The following PTPRM variants were observed in gnomAD, a reference collection of about 807,000 sequenced individuals.
PTPRM encodes receptor-type tyrosine-protein phosphatase mu.
PTPRM carries 47 observed loss-of-function variants against 186.7 expected under a neutral mutation model. The ratio of observed to expected loss-of-function variants is 0.25; its 90% CI spans 0.20 to 0.32. The LOEUF (loss-of-function observed/expected upper bound fraction) is 0.32, where lower values mean the gene tolerates loss of function less well. PTPRM is among the 10% of genes least tolerant of loss of function. PTPRM has a pLI of 1.00. For synonymous variants in PTPRM, 668 were observed against 674.9 expected (o/e 0.99, Z 0.16); for missense variants, 1,494 against 1,865.0 (o/e 0.80, Z 3.66).
At chr18:8,347,018 C>G (rs185406182) in intron 23 of PTPRM, among the ~76,000 whole-genome samples, 3 of 152,174 alleles carry the variant, frequency 2.0e-5, no homozygotes, top group Non-Finnish European at 4.4e-5. Flanking sequence ...TGTGTTTCTT[C>G]CCCTGAGAGG....
intron 14 of PTPRM, among the ~76,000 whole-genome samples, chr18:8,192,998 G>A (rs2093728923): frequency 6.6e-6 from 1 of 152,068 alleles, no homozygotes; most frequent in South Asian, 2.1e-4. Flanking sequence ...GAAAGCATGT[G>A]GGGGACAGTT....
At chr18:8,041,359 T>C (rs960779876) in intron 7 of PTPRM, among the ~76,000 whole-genome samples, 1 of 152,102 alleles carries the variant, frequency 6.6e-6, no homozygotes. Flanking sequence ...TCCTTGGTGG[T>C]ATATAGACAC....
chr18:7,619,718 G>T (rs1021354169), intron 1 of PTPRM, among the ~76,000 whole-genome samples: 11 of 152,204 alleles, frequency 7.2e-5, no homozygotes, highest in Admixed American at 3.3e-4. Flanking sequence ...GGCAGCAGGT[G>T]TTGGGGACCC....
intron 8 of PTPRM, among the ~76,000 whole-genome samples, chr18:8,074,389 A>AT (rs1268079426): frequency 6.6e-6 from 1 of 152,110 alleles, no homozygotes; most frequent in Non-Finnish European, 1.5e-5. Context: ...TTGAATTAAC[A>AT]TTTTTTTCAC....
intron 1 of PTPRM, among the ~76,000 whole-genome samples, chr18:7,662,104 T>G (rs1132083): frequency 1.4e-5 from 2 of 143,580 alleles, no homozygotes; most frequent in Admixed American, 6.7e-5. Context: ...CTAAATTTTT[T>G]TTTGTATTTT....
chr18:8,173,800 G>A (rs968449574), intron 14 of PTPRM, among the ~76,000 whole-genome samples: 1 of 152,142 alleles, frequency 6.6e-6, no homozygotes, highest in Non-Finnish European at 1.5e-5. Context: ...TGGATGTGGT[G>A]GCTCACCCCT....
chr18:7,687,401 G>A (rs2039627477), intron 1 of PTPRM, among the ~76,000 whole-genome samples: 3 of 152,056 alleles, frequency 2.0e-5, no homozygotes, highest in Admixed American at 2.0e-4. Context: ...ATTTTTTAAT[G>A]TAATGACTTT....
intron 9 of PTPRM, among the ~76,000 whole-genome samples, chr18:8,084,581 T>C (rs1047228522): frequency 2.6e-5 from 4 of 152,164 alleles, no homozygotes; most frequent in African/African-American, 9.6e-5. Context: ...TGTAATGACA[T>C]GGTATAAATA....
chr18:7,708,892 T>C (rs577979078), intron 1 of PTPRM, among the ~76,000 whole-genome samples: 173 of 152,270 alleles, frequency 1.1e-3, no homozygotes, highest in Non-Finnish European at 2.1e-3. Context: ...TTATCAAAAA[T>C]AGTACTAAAC....
chr18:8,002,330 A>G (rs1165235418), intron 7 of PTPRM, among the ~76,000 whole-genome samples: 2 of 152,236 alleles, frequency 1.3e-5, no homozygotes, highest in Non-Finnish European at 2.9e-5. Context: ...ACATTTGGGT[A>G]GTAGAGCACA....
chr18:7,934,735 G>T (rs554639160), intron 5 of PTPRM, among the ~76,000 whole-genome samples: 68 of 152,098 alleles, frequency 4.5e-4, no homozygotes, highest in Non-Finnish European at 7.5e-4. Flanking sequence ...TATAGAAGAA[G>T]CGGCTGAGGC....
At chr18:8,380,269 T>G in intron 28 of PTPRM, 27 bp from the exon 29 acceptor site, 1 of 1,608,572 alleles carries the variant, frequency 6.2e-7, no homozygotes, top group African/African-American at 1.3e-5. Context: ...CTGAGTATAT[T>G]TGGAGCATTC....
chr18:7,985,082 AATATATACATATAATT>A (rs1599870361), intron 7 of PTPRM, among the ~76,000 whole-genome samples: 2 of 129,028 alleles, frequency 1.6e-5, no homozygotes, highest in East Asian at 4.5e-4. Flanking sequence ...TACATATATA[AATATATACATATAATT>A]ATATATACAT....
Position 7,712,024 on chromosome 18 carries a change from T to C in PTPRM, c.74-62125T>C, listed in dbSNP as rs367699050. Among the ~76,000 whole-genome samples, 23 of 152,234 alleles carry C rather than the reference T, an allele frequency of 1.5e-4. No homozygotes were observed. In the East Asian group the frequency reaches 4.1e-3, roughly 27 times the overall value. ...CTCCATAAGTGTAAGGGAGCTCCGCTAAGGGTCAGACTGCCTCCTGACCCC... is the reference window on the plus strand; with the variant it reads ...CTCCATAAGTGTAAGGGAGCTCCGCCAAGGGTCAGACTGCCTCCTGACCCC... On this transcript the variant is annotated intron_variant, in intron 1 of 32. Transcript: ENST00000580170.
chr18:7,878,229 T>C (rs2146255985), intron 2 of PTPRM, among the ~76,000 whole-genome samples: 1 of 152,372 alleles, frequency 6.6e-6, no homozygotes, highest in African/African-American at 2.4e-5. Flanking sequence ...ATTTTGATGC[T>C]TTTTCTGGTT....
chr18:7,903,033 A>G (rs924610432), intron 3 of PTPRM, among the ~76,000 whole-genome samples: 3 of 152,230 alleles, frequency 2.0e-5, no homozygotes, highest in African/African-American at 7.2e-5. Flanking sequence ...CATTTTTAGT[A>G]GAAGCTTCAG....
In PTPRM at chr18:7,964,977, T is replaced by C. The variant is rs538621104; in HGVS notation, c.1132+9563T>C. Among the ~76,000 whole-genome samples the C allele has an allele frequency of 5.3e-5, 8 of 151,908 alleles. No individual in the cohort carries two copies. The South Asian group carries it at 1.7e-3, about 32-fold the overall frequency. Reference sequence around the variant, plus strand: ...GGATGTGTTGCAATTATTAGTGACATGATAAGTGTTTTTGACACTTTTAAC... The same window carrying C: ...GGATGTGTTGCAATTATTAGTGACACGATAAGTGTTTTTGACACTTTTAAC... On this transcript the variant is annotated intron_variant, in intron 7 of 32. Transcript: ENST00000580170.
In PTPRM at chr18:8,245,383, A is replaced by G. The variant is rs151235993; in HGVS notation, c.2452+1174A>G. 2.8e-3 allele frequency among the ~76,000 whole-genome samples: 425 copies of G among 152,268 alleles called. 1 individual carries two copies. Among genetic ancestry groups the G allele is most frequent in the African/African-American group, 9.5e-3 (395 of 41,556 alleles). On this transcript the variant is annotated intron_variant, in intron 15 of 32. Transcript: ENST00000580170. Reference sequence around the variant, plus strand: ...ATGCACAGGTGCTGCTTTGGCACCAATGGGCAGGGCAGCACTGTTGCTTTC... The same window carrying G: ...ATGCACAGGTGCTGCTTTGGCACCAGTGGGCAGGGCAGCACTGTTGCTTTC...
intron 23 of PTPRM, among the ~76,000 whole-genome samples, chr18:8,357,143 C>T (rs1338251857): frequency 2.0e-5 from 3 of 152,208 alleles, no homozygotes; most frequent in Non-Finnish European, 4.4e-5. Flanking sequence ...AGGACTGTCA[C>T]TCCCTTGGGA....
Sources: gnomAD v4.1 joint callset for allele counts (sites outside exome capture counted in the v4.1 genomes callset) on GRCh38, gnomAD v4.1.1 for gene constraint, MANE v1.5 for transcripts, NCBI Gene and HGNC (gene_info 2026-07-23, HGNC 2026-07-21) for gene names.